The following ZBBX variants were observed in gnomAD, a reference collection of about 807,000 sequenced individuals.
ZBBX encodes zinc finger B-box domain-containing protein 1.
ZBBX carries 101 observed loss-of-function variants against 108.5 expected under a neutral mutation model. The ratio of observed to expected loss-of-function variants is 0.93; its 90% CI spans 0.79 to 1.10. The LOEUF is 1.10. Ranked by LOEUF, ZBBX falls within the 50% of genes least tolerant of loss-of-function variation. ZBBX has a pLI of 0.00. For missense variants in ZBBX, 1,009 were observed against 941.4 expected, an observed-to-expected ratio of 1.07 and a Z score of -0.94; for synonymous variants, 356 against 323.4, an observed-to-expected ratio of 1.10 and a Z score of -1.08.
chr3:167,329,484 C>T (rs979518806), intron 10 of ZBBX, among the ~76,000 whole-genome samples: 3 of 152,116 alleles, frequency 2.0e-5, no homozygotes, highest in Non-Finnish European at 4.4e-5. Flanking sequence ...CCATGCTAAC[C>T]GTTGGCCACA....
chr3:167,324,810 G>T (rs1737071380), intron 11 of ZBBX, among the ~76,000 whole-genome samples: 1 of 152,124 alleles, frequency 6.6e-6, no homozygotes, highest in Non-Finnish European at 1.5e-5. Flanking sequence ...ACCTTTTTAA[G>T]TATTACGGTG....
Position 167,240,632 on chromosome 3 carries a change from T to A in ZBBX, c.*161A>T. 1.4e-6 allele frequency: 1 copy of A among 726,350 alleles called. No homozygotes were observed. The highest frequency in any genetic ancestry group is 2.1e-6 in the Non-Finnish European group (1 of 465,718). 45.0% of individuals were successfully genotyped at this position (726,350 alleles called of 1,614,324 possible). A position where few individuals can be genotyped will look rare whatever the true frequency, so the allele number is the denominator to read the frequency against. ...AATATATCATTGGAAGAATAAGCCC[T>A]TGAACTTATAATTTTACTTTTATTA... On this transcript the variant is annotated 3_prime_UTR_variant, in exon 22 of 22. Transcript: ENST00000675490.
At chr3:167,182,342 G>A in the ZBBX span, among the ~76,000 whole-genome samples, 1 of 152,176 alleles carries the variant, frequency 6.6e-6, no homozygotes, top group Non-Finnish European at 1.5e-5. Flanking sequence ...CTTGGGATTA[G>A]CATTGTCAAA....
chr3:167,390,784 C>G (rs1037934898), intron 1 of ZBBX, among the ~76,000 whole-genome samples: 2 of 151,690 alleles, frequency 1.3e-5, no homozygotes, highest in African/African-American at 4.8e-5. Context: ...TGATTTGGCT[C>G]TCTGTCTGTT....
rs757387299 is a variant in ZBBX at position 167,366,789 on chromosome 3, T to C, written c.183-813A>G. 8.1e-5 allele frequency: 37 copies of C among 455,238 alleles called. 1 individual carries two copies. The highest frequency in any genetic ancestry group is 5.7e-4 in the South Asian group (37 of 64,382). The allele number at this position is 455,238 out of a possible 1,614,324, so 28.2% of individuals were successfully genotyped here. A position where few individuals can be genotyped will look rare whatever the true frequency, so the allele number is the denominator to read the frequency against. On this transcript the variant is annotated intron_variant, in intron 5 of 21. Coordinates refer to ENST00000675490, the MANE Select transcript of ZBBX (RefSeq NM_001199201.2). ...GCTAAGAAAAACTCACTATCAGGGCTGATTCCAGCAACTCCGATTCTCAGA... is the reference window on the plus strand; with the variant it reads ...GCTAAGAAAAACTCACTATCAGGGCCGATTCCAGCAACTCCGATTCTCAGA...
the ZBBX span, among the ~76,000 whole-genome samples, chr3:167,228,436 T>C: frequency 6.6e-6 from 1 of 151,794 alleles, no homozygotes; most frequent in African/African-American, 2.4e-5. Context: ...TCATTTCTCA[T>C]TATAGTGGAC....
At chr3:167,356,712 T>A (rs1368983457) in intron 8 of ZBBX, among the ~76,000 whole-genome samples, 1 of 152,160 alleles carries the variant, frequency 6.6e-6, no homozygotes, top group Non-Finnish European at 1.5e-5. Context: ...ACTGCAGGCA[T>A]AATTCTAGGT....
chr3:167,283,358 G>C (rs1242310527), intron 19 of ZBBX, among the ~76,000 whole-genome samples: 1 of 152,056 alleles, frequency 6.6e-6, no homozygotes, highest in African/African-American at 2.4e-5. Context: ...CATAGGGCAG[G>C]TAAATGCTTT....
intron 4 of ZBBX, among the ~76,000 whole-genome samples, chr3:167,370,759 T>C (rs2419409): frequency 0.36 from 54,410 of 152,016 alleles, 10,317 homozygotes; most frequent in African/African-American, 0.49. Context: ...TCCTTAGCTT[T>C]ATTTATTTAA....
chr3:167,282,194 G>A (rs546960567), intron 20 of ZBBX, 44 bp downstream of exon 20: 20 of 1,550,472 alleles, frequency 1.3e-5, no homozygotes, highest in Non-Finnish European at 1.7e-5. Flanking sequence ...GCTGAGGGCA[G>A]AGTTAATTAG....
intron 8 of ZBBX, among the ~76,000 whole-genome samples, chr3:167,352,586 A>AT: frequency 6.6e-6 from 1 of 152,222 alleles, no homozygotes; most frequent in East Asian, 1.9e-4. Context: ...CACTGAAACT[A>AT]TTTCAAAAAA....
the ZBBX span, among the ~76,000 whole-genome samples, chr3:167,186,789 G>T: frequency 6.6e-6 from 1 of 152,138 alleles, no homozygotes; most frequent in East Asian, 1.9e-4. Flanking sequence ...AAAATATATT[G>T]CTGATACAGA....
chr3:167,373,030 A>G (rs1396500264), intron 3 of ZBBX, 80 bp from the exon 4 acceptor site: 1 of 633,024 alleles, frequency 1.6e-6, no homozygotes, highest in Non-Finnish European at 2.5e-6. Flanking sequence ...CATATAATTC[A>G]GGAATGTTTT....
the ZBBX span, among the ~76,000 whole-genome samples, chr3:167,191,524 A>C: frequency 7.2e-5 from 11 of 152,104 alleles, no homozygotes; most frequent in Admixed American, 7.2e-4. Flanking sequence ...CTGAGAGTGA[A>C]TGAATCTCAC....
At chr3:167,348,360 G>GAAAGAA (rs1255685025) in intron 9 of ZBBX, among the ~76,000 whole-genome samples, 4 of 123,868 alleles carry the variant, frequency 3.2e-5, no homozygotes, top group Non-Finnish European at 6.7e-5. Context: ...AAGAAAGAAA[G>GAAAGAA]AAAGAAAGAA....
Position 167,333,860 on chromosome 3 carries a change from G to A in ZBBX, c.654C>T (p.Pro218=). ...TKETSKIQHK[P]KSVLLQRSSS... is the part of the protein sequence containing the mutation. ...TGCTCCTCTGGAGAAGTACAGATTT[G>A]GGTTTATGTTGAATTTTACTGGTTT... Residue 218 remains proline (P), a synonymous_variant, in exon 10 of 22, where the codon CCC becomes CCT. Transcript: ENST00000675490. The A allele has an allele frequency of 6.2e-7, 1 of 1,610,966 alleles. No homozygotes were observed. The highest frequency in any genetic ancestry group is 8.5e-7 in the Non-Finnish European group (1 of 1,178,758).
At chr3:167,297,747 G>A (rs1252143223) in intron 18 of ZBBX, among the ~76,000 whole-genome samples, 1 of 151,800 alleles carries the variant, frequency 6.6e-6, no homozygotes, top group Non-Finnish European at 1.5e-5. Flanking sequence ...TTTCTCCAAA[G>A]AGTATATACA....
chr3:167,209,910 C>T, the ZBBX span, among the ~76,000 whole-genome samples: 37 of 151,898 alleles, frequency 2.4e-4, no homozygotes, highest in African/African-American at 8.0e-4. Flanking sequence ...GCCAACATGG[C>T]GAAAACCCAT....
rs1735586606 is a variant in ZBBX, at chr3:167,317,064, CTGGCAATAAA to C, written c.1125_1134del (p.Leu376Ter). ...GGTCTCTCTATGTTTAATGTTTCTACTGGCAATAAAAGAGCTGTGTGTTGTACTTTGGTCT... is the reference window on the plus strand; with the variant it reads ...GGTCTCTCTATGTTTAATGTTTCTACAGAGCTGTGTGTTGTACTTTGGTCT... On this transcript the variant is annotated frameshift_variant, in exon 14 of 22. Coordinates refer to ENST00000675490, the MANE Select transcript of ZBBX (RefSeq NM_001199201.2). LOFTEE classifies it high-confidence loss of function. 1.2e-6 allele frequency: 2 copies of C among 1,610,916 alleles called. No individual in the cohort carries two copies.
Sources: allele counts gnomAD v4.1 joint callset (sites outside exome capture counted in the v4.1 genomes callset), GRCh38; gene constraint gnomAD v4.1.1; transcripts MANE v1.5; gene names NCBI Gene and HGNC (gene_info 2026-07-23, HGNC 2026-07-21).